Variants in ACACA observed in about 807,000 individuals in gnomAD.
The protein encoded by ACACA is acetyl-CoA carboxylase alpha.
ACACA carries 103 observed loss-of-function variants against 296.1 expected under a neutral mutation model. That is an observed-to-expected ratio of 0.35 (90% CI 0.30 to 0.41). The LOEUF is 0.41. ACACA is among the 10% of genes least tolerant of loss of function. The probability of loss-of-function intolerance (pLI) is 1.00; values close to 1 mark genes in which losing one functional copy is unlikely to be tolerated. For synonymous variants in ACACA, 953 were observed against 1,038.6 expected (o/e 0.92, Z 1.58); for missense variants, 1,554 against 2,989.7 (o/e 0.52, Z 11.20).
chr17:37,209,653 T>C (rs2078661245), intron 30 of ACACA, among the ~76,000 whole-genome samples: 1 of 152,202 alleles, frequency 6.6e-6, no homozygotes. Context: ...TACTTAATAT[T>C]TTAAAGGGAG....
At chr17:37,104,205 T>C (rs901184143) in intron 52 of ACACA, among the ~76,000 whole-genome samples, 2 of 152,194 alleles carry the variant, frequency 1.3e-5, no homozygotes, top group Non-Finnish European at 2.9e-5. Context: ...CAGGCCACGG[T>C]TGGACAAGTT....
chr17:37,313,707 T>C (rs1292678407), intron 3 of ACACA, among the ~76,000 whole-genome samples: 1 of 152,196 alleles, frequency 6.6e-6, no homozygotes, highest in Admixed American at 6.5e-5. Context: ...AAGGGAACCC[T>C]TGTATTGGTG....
At chr17:37,268,079 A>T (rs1416379417) in intron 10 of ACACA, among the ~76,000 whole-genome samples, 1 of 152,166 alleles carries the variant, frequency 6.6e-6, no homozygotes, top group Non-Finnish European at 1.5e-5. Context: ...CAAAATTCTC[A>T]ATCTTGCCTT....
Position 37,389,313 on chromosome 17 carries a change from G to C in ACACA, c.38+16949C>G, listed in dbSNP as rs1256618131. 6 of 1,597,892 alleles carry C rather than the reference G, an allele frequency of 3.8e-6. No individual in the cohort carries two copies. In the Admixed American group the frequency reaches 1.0e-4, roughly 28 times the overall value. ...TTGTGGAGATGGCAAAAGAAGGGAG[G>C]CCAGCCACCTGGGACAGCTGAATCC... On this transcript the variant is annotated intron_variant, in intron 1 of 55. Coordinates refer to ENST00000616317, the MANE Select transcript of ACACA (RefSeq NM_198834.3).
At chr17:37,362,590 G>T (rs900729494) in intron 1 of ACACA, among the ~76,000 whole-genome samples, 8 of 152,212 alleles carry the variant, frequency 5.3e-5, no homozygotes, top group African/African-American at 1.9e-4. Context: ...CCACTGTCCA[G>T]ACAGCTTCAT....
intron 37 of ACACA, among the ~76,000 whole-genome samples, 194 bp from the exon 38 acceptor site, chr17:37,191,469 T>C (rs1056048288): frequency 6.6e-6 from 1 of 152,210 alleles, no homozygotes; most frequent in South Asian, 2.1e-4. Flanking sequence ...AAAGAGTCCA[T>C]GTCAGCCCTT....
At position 37,089,198 on chromosome 17, in the gene ACACA, C is replaced by T. The variant is rs1597781806; in HGVS notation, c.6892-124G>A. On this transcript the variant is annotated intron_variant, in intron 54 of 55. Transcript: ENST00000616317. ...GCTCCGTGTCCACGATTCTCCTTCA[C>T]TGTCAGCATCGTGCAGGAGGAGGAA... 1.4e-5 allele frequency: 19 copies of T among 1,399,348 alleles called. No individual in the cohort carries two copies. The East Asian group carries it at 4.3e-4, about 32-fold the overall frequency. 86.7% of individuals were successfully genotyped at this position (1,399,348 alleles called of 1,614,324 possible).
intron 15 of ACACA, among the ~76,000 whole-genome samples, chr17:37,252,621 A>G (rs2081047802): frequency 6.6e-6 from 1 of 152,212 alleles, no homozygotes. Flanking sequence ...CAGGTTTAAC[A>G]TTAAATGAAG....
intron 1 of ACACA, among the ~76,000 whole-genome samples, chr17:37,390,576 G>A (rs367689145): frequency 6.7e-6 from 1 of 149,428 alleles, no homozygotes; most frequent in South Asian, 2.1e-4. Context: ...GTGGTGAGCC[G>A]AGATTGCGCC....
At chr17:37,096,668 G>T (rs2073010990) in intron 54 of ACACA, among the ~76,000 whole-genome samples, 1 of 152,168 alleles carries the variant, frequency 6.6e-6, no homozygotes, top group African/African-American at 2.4e-5. Context: ...CCTCTAGATG[G>T]TGAGCTCTAT....
chr17:37,112,990 T>C (rs2285655), intron 51 of ACACA, 98 bp downstream of exon 51: 77,754 of 1,403,412 alleles, frequency 0.055, 2,788 homozygotes, highest in African/African-American at 0.17. Flanking sequence ...TCACAGGATG[T>C]GGGTGCTGTA....
chr17:37,277,157 A>G (rs2082316788), intron 6 of ACACA, 43 bp from the exon 7 acceptor site: 1 of 1,530,418 alleles, frequency 6.5e-7, no homozygotes, highest in African/African-American at 1.4e-5. Flanking sequence ...AATTCATACA[A>G]AACCCCCACA....
At chr17:37,336,674 C>G (rs2048134142) in intron 2 of ACACA, among the ~76,000 whole-genome samples, 1 of 152,122 alleles carries the variant, frequency 6.6e-6, no homozygotes, top group Admixed American at 6.5e-5. Flanking sequence ...TTAAATCTTG[C>G]AACTGCAAAA....
At chr17:37,287,395 T>G (rs12453651) in intron 3 of ACACA, among the ~76,000 whole-genome samples, 2 of 151,968 alleles carry the variant, frequency 1.3e-5, no homozygotes, top group Admixed American at 1.3e-4. Context: ...CATGACTTAG[T>G]GTGGCTCTTA....
chr17:37,096,355 GA>G (rs1344813537), intron 54 of ACACA, among the ~76,000 whole-genome samples: 1 of 152,162 alleles, frequency 6.6e-6, no homozygotes, highest in Non-Finnish European at 1.5e-5. Context: ...GAGCTGCCCT[GA>G]AACAGTTGCA....
At chr17:37,371,471 C>T (rs1332418073) in intron 1 of ACACA, among the ~76,000 whole-genome samples, 1 of 152,070 alleles carries the variant, frequency 6.6e-6, no homozygotes, top group Non-Finnish European at 1.5e-5. Context: ...AAAGAGCATC[C>T]ATGATGCTGG....
intron 1 of ACACA, among the ~76,000 whole-genome samples, chr17:37,394,034 G>T (rs372952197): frequency 6.6e-5 from 10 of 152,024 alleles, no homozygotes; most frequent in African/African-American, 2.4e-4. Context: ...GGGAGAGATG[G>T]CAGAGGAGAA....
chr17:37,364,550 C>A (rs551930695), intron 1 of ACACA, among the ~76,000 whole-genome samples: 1 of 147,254 alleles, frequency 6.8e-6, no homozygotes, highest in South Asian at 2.1e-4. Flanking sequence ...GCCAACAGGC[C>A]ACTGCACTCC....
At chr17:37,191,795 A>G (rs141243838) in intron 37 of ACACA, among the ~76,000 whole-genome samples, 2 of 151,724 alleles carry the variant, frequency 1.3e-5, no homozygotes, top group African/African-American at 4.8e-5. Context: ...TCTTTTCTTG[A>G]GTGTTATTAT....
Sources: gnomAD v4.1 joint callset for allele counts (sites outside exome capture counted in the v4.1 genomes callset) on GRCh38, gnomAD v4.1.1 for gene constraint, MANE v1.5 for transcripts, NCBI Gene and HGNC (gene_info 2026-07-23, HGNC 2026-07-21) for gene names.